The following TMEM132D variants were observed in gnomAD, a reference collection of about 807,000 sequenced individuals.
The protein encoded by TMEM132D is transmembrane protein 132D.
Under a neutral mutation model 62.3 loss-of-function variants are expected in TMEM132D, and 21 were observed. The ratio of observed to expected loss-of-function variants is 0.34; its 90% CI spans 0.24 to 0.49. The LOEUF is 0.49. Ranked by LOEUF, TMEM132D falls within the 20% of genes least tolerant of loss-of-function variation. TMEM132D has a pLI of 0.99. For synonymous variants in TMEM132D, 621 were observed against 575.6 expected, an observed-to-expected ratio of 1.08 and a Z score of -1.13; for missense variants, 1,346 against 1,402.8, an observed-to-expected ratio of 0.96 and a Z score of 0.65.
intron 5 of TMEM132D, among the ~76,000 whole-genome samples, chr12:129,197,048 G>C (rs1444386451): frequency 6.6e-6 from 1 of 152,106 alleles, no homozygotes; most frequent in Non-Finnish European, 1.5e-5. Flanking sequence ...GGACTGGATG[G>C]TAAGTATTTT....
intron 2 of TMEM132D, among the ~76,000 whole-genome samples, chr12:129,561,418 AG>A (rs1471862280): frequency 6.6e-6 from 1 of 152,234 alleles, no homozygotes; most frequent in Non-Finnish European, 1.5e-5. Flanking sequence ...ATGGAACGCT[AG>A]GCATGGAATC....
intron 2 of TMEM132D, among the ~76,000 whole-genome samples, chr12:129,581,360 A>C (rs1383845286): frequency 6.6e-6 from 1 of 152,220 alleles, no homozygotes; most frequent in Non-Finnish European, 1.5e-5. Flanking sequence ...TATATCTGGA[A>C]GGGAGTTTAT....
chr12:129,896,523 G>C (rs540726477), intron 1 of TMEM132D, among the ~76,000 whole-genome samples: 14 of 152,122 alleles, frequency 9.2e-5, no homozygotes, highest in Non-Finnish European at 2.1e-4. Context: ...TAGCTTTCCT[G>C]ACCAAAATGC....
intron 1 of TMEM132D, among the ~76,000 whole-genome samples, chr12:129,761,807 C>T (rs1353010467): frequency 6.6e-6 from 1 of 152,162 alleles, no homozygotes. Flanking sequence ...GAAGCTGCCT[C>T]CACAAATCCC....
chr12:129,520,802 T>C (rs1205627848), intron 3 of TMEM132D, among the ~76,000 whole-genome samples: 2 of 152,204 alleles, frequency 1.3e-5, no homozygotes, highest in Non-Finnish European at 2.9e-5. Flanking sequence ...GACACTCACG[T>C]GGTCTCATTT....
intron 3 of TMEM132D, among the ~76,000 whole-genome samples, chr12:129,497,528 C>T (rs866655442): frequency 6.6e-6 from 1 of 152,114 alleles, no homozygotes; most frequent in Non-Finnish European, 1.5e-5. Flanking sequence ...TGTTTCTCCT[C>T]CTTTAACCTC....
intron 4 of TMEM132D, 53 bp downstream of exon 4, chr12:129,337,581 G>A (rs1869332731): frequency 5.6e-6 from 9 of 1,604,260 alleles, no homozygotes; most frequent in Middle Eastern, 1.7e-4. Flanking sequence ...CGGCGCCGGC[G>A]CCTTCCCCTC....
At chr12:129,125,746 G>A (rs991338938) in intron 5 of TMEM132D, among the ~76,000 whole-genome samples, 11 of 151,506 alleles carry the variant, frequency 7.3e-5, no homozygotes, top group South Asian at 4.2e-4. Flanking sequence ...CAAGCGATCC[G>A]CTCGCCTTGG....
At chr12:129,102,603 C>CA (rs1875352104) in intron 5 of TMEM132D, among the ~76,000 whole-genome samples, 1 of 152,084 alleles carries the variant, frequency 6.6e-6, no homozygotes, top group Non-Finnish European at 1.5e-5. Context: ...CTGGAAACCT[C>CA]AAAAAAATCT....
rs147406034 is a variant in TMEM132D at position 129,411,367 on chromosome 12, G to C, written c.1116-73550C>G. On this transcript the variant is annotated intron_variant, in intron 3 of 8. Transcript: ENST00000422113. ...TATCGGTTTAGCTTTGTTTGGTTTGGGCTTGTTTTGTTTTGTTTTGAGACA... is the reference window on the plus strand; with the variant it reads ...TATCGGTTTAGCTTTGTTTGGTTTGCGCTTGTTTTGTTTTGTTTTGAGACA... Among the ~76,000 whole-genome samples the C allele has an allele frequency of 3.4e-3, 519 of 152,018 alleles. 2 individuals carry two copies. Among genetic ancestry groups the C allele is most frequent in the African/African-American group, 0.012 (488 of 41,468 alleles).
At position 129,867,075 on chromosome 12, in the gene TMEM132D, C is replaced by T. The variant is rs1023087532; in HGVS notation, c.79+36186G>A. Among the ~76,000 whole-genome samples the T allele has an allele frequency of 5.2e-5, 7 of 133,618 alleles. No homozygotes were observed. Among genetic ancestry groups the T allele is most frequent in the African/African-American group, 1.9e-4 (7 of 37,806 alleles). The allele number at this position is 133,618 out of a possible 152,430, so 87.7% of individuals were successfully genotyped here. ...CCAGACTGGGCAACACGGAAAAACC[C>T]CAAAACCCTGTCTCTACAAAAAAAA... On this transcript the variant is annotated intron_variant, in intron 1 of 8. Transcript: ENST00000422113. The surrounding 1 kb of genome is among the most constrained non-coding windows in gnomAD (Gnocchi z 4.5).
chr12:129,799,126 G>A (rs1417851628), intron 1 of TMEM132D, among the ~76,000 whole-genome samples: 2 of 152,008 alleles, frequency 1.3e-5, no homozygotes, highest in African/African-American at 2.4e-5. Flanking sequence ...TTAGCTGGGT[G>A]TGGTGGCAGG....
chr12:129,566,438 A>AG (rs75638470), intron 2 of TMEM132D, among the ~76,000 whole-genome samples: 18,738 of 152,072 alleles, frequency 0.12, 1,468 homozygotes, highest in East Asian at 0.42. Context: ...TTATAAAAAG[A>AG]GGGGGGTCAG....
chr12:129,898,814 G>A (rs1438727234), intron 1 of TMEM132D, among the ~76,000 whole-genome samples: 1 of 152,178 alleles, frequency 6.6e-6, no homozygotes, highest in Admixed American at 6.5e-5. Flanking sequence ...TGCCCAGCAC[G>A]GTATGGGGTG....
intron 2 of TMEM132D, among the ~76,000 whole-genome samples, chr12:129,696,186 A>G (rs1881203720): frequency 6.6e-6 from 1 of 152,172 alleles, no homozygotes; most frequent in Non-Finnish European, 1.5e-5. Flanking sequence ...CATCAATGCC[A>G]GGCTCACTTC....
At chr12:129,740,872 T>G (rs1869579414) in intron 1 of TMEM132D, among the ~76,000 whole-genome samples, 1 of 152,248 alleles carries the variant, frequency 6.6e-6, no homozygotes, top group Non-Finnish European at 1.5e-5. Flanking sequence ...TCCGGCCACT[T>G]TCTGTTATCT....
intron 2 of TMEM132D, among the ~76,000 whole-genome samples, chr12:129,651,247 A>T (rs879469420): frequency 1.1e-4 from 16 of 152,362 alleles, no homozygotes; most frequent in Admixed American, 1.0e-3. Flanking sequence ...CTATTGGTTC[A>T]AAAACATAAT....
intron 2 of TMEM132D, among the ~76,000 whole-genome samples, chr12:129,636,758 CAGAG>C (rs1879493964): frequency 1.1e-5 from 1 of 89,812 alleles, no homozygotes. Flanking sequence ...GAGAGAGAGA[CAGAG>C]AGAGAAAGAA....
chr12:129,518,566 TAC>T lies in TMEM132D; in HGVS notation c.1115+12491_1115+12492del, dbSNP rs751466987. 1.8e-3 allele frequency among the ~76,000 whole-genome samples: 165 copies of T among 89,390 alleles called. 1 individual carries two copies. Among genetic ancestry groups the T allele is most frequent in the African/African-American group, 3.1e-3 (102 of 33,230 alleles). The allele number at this position is 89,390 out of a possible 152,430, so 58.6% of individuals were successfully genotyped here. A position where few individuals can be genotyped will look rare whatever the true frequency, so the allele number is the denominator to read the frequency against. Reference sequence around the variant, plus strand: ...GTGCGTGTGTGTGTGTGTATATATATACACACACACACACATATATATAAAAA... The same window carrying T: ...GTGCGTGTGTGTGTGTGTATATATATACACACACACACATATATATAAAAA... On this transcript the variant is annotated intron_variant, in intron 3 of 8. Coordinates refer to ENST00000422113, the MANE Select transcript of TMEM132D (RefSeq NM_133448.3).
Sources: allele counts gnomAD v4.1 joint callset (sites outside exome capture counted in the v4.1 genomes callset), GRCh38; gene constraint gnomAD v4.1.1; non-coding constraint Gnocchi (gnomAD v3.1); transcripts MANE v1.5; gene names NCBI Gene and HGNC (gene_info 2026-07-23, HGNC 2026-07-21).